Variants in TMC5 observed in about 807,000 individuals in gnomAD.
TMC5 encodes the protein transmembrane channel-like protein 5.
Under a neutral mutation model 110.5 loss-of-function variants are expected in TMC5, and 86 were observed. The ratio of observed to expected loss-of-function variants is 0.78; its 90% CI spans 0.65 to 0.93. TMC5 has a LOEUF of 0.93. TMC5 is among the 40% of genes least tolerant of loss of function. TMC5 has a pLI of 0.00. For missense variants in TMC5, 1,144 were observed against 1,222.8 expected, an observed-to-expected ratio of 0.94 and a Z score of 0.96; for synonymous variants, 455 against 439.5, an observed-to-expected ratio of 1.04 and a Z score of -0.44.
chr16:19,416,769 A>T (rs1419634287), upstream of TMC5, among the ~76,000 whole-genome samples: 1 of 152,184 alleles, frequency 6.6e-6, no homozygotes, highest in African/African-American at 2.4e-5. Flanking sequence ...TATGGTCCGC[A>T]TGTTGCCAAA....
chr16:19,456,867 ACT>A, intron 5 of TMC5: 1 of 1,614,142 alleles, frequency 6.2e-7, no homozygotes, highest in Non-Finnish European at 8.5e-7. Flanking sequence ...GATGTGATAG[ACT>A]CTCAGACAGT....
At chr16:19,433,718 A>C (rs942521625) in intron 2 of TMC5, among the ~76,000 whole-genome samples, 18 of 152,062 alleles carry the variant, frequency 1.2e-4, no homozygotes, top group African/African-American at 4.1e-4. Context: ...GGCTAATAAG[A>C]AGCTCAGGGC....
rs58940905 is a variant in TMC5, at chr16:19,483,779, A to AAAAAG, written c.2363+2335_2363+2339dup. Among the ~76,000 whole-genome samples the AAAAAG allele has an allele frequency of 1.1e-4, 16 of 149,256 alleles. 1 individual carries two copies. Among genetic ancestry groups the AAAAAG allele is most frequent in the East Asian group, 2.0e-4 (1 of 4,978 alleles). ...GGCAGCGAGAGTGAAACTCTGTCTC[A>AAAAAG]AAAAGAAAAGAAAAGAAAAGAAAAG... On this transcript the variant is annotated intron_variant, in intron 15 of 21. Transcript: ENST00000542583.
In TMC5 at chr16:19,469,548, C is replaced by G. The variant is rs1042348672; in HGVS notation, c.1638-133C>G. 8 of 1,127,288 alleles carry G rather than the reference C, an allele frequency of 7.1e-6. No individual in the cohort carries two copies. In the African/African-American group the frequency reaches 1.1e-4, roughly 15 times the overall value. The allele number at this position is 1,127,288 out of a possible 1,614,324, so 69.8% of individuals were successfully genotyped here. A position where few individuals can be genotyped will look rare whatever the true frequency, so the allele number is the denominator to read the frequency against. ...CCACTGTGTGGTGACCACACCGCTC[C>G]AGGCCAACAGCTTGGGGCTAAGTCT... On this transcript the variant is annotated intron_variant, in intron 9 of 21. Coordinates refer to ENST00000542583, the MANE Select transcript of TMC5 (RefSeq NM_001261841.2).
intron 12 of TMC5, among the ~76,000 whole-genome samples, 159 bp from the exon 13 acceptor site, chr16:19,477,281 C>T (rs886915282): frequency 6.6e-6 from 1 of 152,014 alleles, no homozygotes; most frequent in Non-Finnish European, 1.5e-5. Context: ...ACACACATTG[C>T]TTCTGTTCAC....
intron 5 of TMC5, among the ~76,000 whole-genome samples, chr16:19,454,057 G>A (rs1171645542): frequency 1.3e-5 from 2 of 151,940 alleles, no homozygotes; most frequent in Non-Finnish European, 2.9e-5. Flanking sequence ...CTTTTTTGTT[G>A]TTGTTTTTGA....
chr16:19,489,981 C>T (rs1465132637), intron 17 of TMC5, among the ~76,000 whole-genome samples: 2 of 151,692 alleles, frequency 1.3e-5, no homozygotes, highest in Non-Finnish European at 2.9e-5. Flanking sequence ...GATGGAGTCT[C>T]ACTATGTTGC....
chr16:19,464,010 T>C lies in TMC5; in HGVS notation c.1471T>C (p.Phe491Leu). 6.2e-7 allele frequency: 1 copy of C among 1,613,590 alleles called. No homozygotes were observed. The highest frequency in any genetic ancestry group is 8.5e-7 in the Non-Finnish European group (1 of 1,179,850). Residue 491 changes from phenylalanine (F) to leucine (L), a missense_variant, in exon 8 of 22, where the codon TTT becomes CTT. Physicochemically the swap from Phe to Leu is conservative, Grantham distance 22. Transcript: ENST00000542583. ...KNTLQFTGLE[F>L]FTGVGYFRDT... ...CACCCTCCAGTTCACTGGGCTGGAG[T>C]TTTTCACTGGGGTGGTAAGTCCTCC... is the stretch of plus-strand genomic sequence containing the variant.
intron 1 of TMC5, among the ~76,000 whole-genome samples, chr16:19,422,244 A>C (rs1967001198): frequency 6.8e-6 from 1 of 147,118 alleles, no homozygotes; most frequent in South Asian, 2.1e-4. Flanking sequence ...AAAAAAAAAG[A>C]GAGAGAGAGA....
intron 17 of TMC5, 76 bp downstream of exon 17, chr16:19,487,402 A>G (rs1274286738): frequency 2.4e-5 from 37 of 1,538,216 alleles, no homozygotes; most frequent in Non-Finnish European, 3.1e-5. Context: ...AGGTTTTATT[A>G]TAATTCAGGT....
chr16:19,434,939 G>A (rs1967307738), intron 2 of TMC5, among the ~76,000 whole-genome samples: 1 of 152,056 alleles, frequency 6.6e-6, no homozygotes, highest in Admixed American at 6.6e-5. Flanking sequence ...TGACACCAAG[G>A]GCTGGGTTCC....
intron 21 of TMC5, among the ~76,000 whole-genome samples, chr16:19,497,572 G>A (rs1227202277): frequency 1.3e-5 from 2 of 152,196 alleles, no homozygotes; most frequent in African/African-American, 2.4e-5. Flanking sequence ...CAAAAATGTG[G>A]CAGTTCCCTT....
upstream of TMC5, among the ~76,000 whole-genome samples, chr16:19,414,552 A>C (rs1386009033): frequency 6.6e-6 from 1 of 152,150 alleles, no homozygotes; most frequent in East Asian, 1.9e-4. Context: ...TACTGTGTGC[A>C]ATTCACAGGA....
intron 5 of TMC5, among the ~76,000 whole-genome samples, chr16:19,451,732 G>T (rs1557518): frequency 5.3e-5 from 8 of 151,854 alleles, no homozygotes; most frequent in Non-Finnish European, 1.5e-5. Context: ...GGACAAAGGC[G>T]CAGTCCCCAA....
chr16:19,424,312 T>G (rs1306723412), intron 1 of TMC5, among the ~76,000 whole-genome samples: 1 of 152,202 alleles, frequency 6.6e-6, no homozygotes, highest in African/African-American at 2.4e-5. Flanking sequence ...CCATATCATA[T>G]TATGGTAACC....
At position 19,439,945 on chromosome 16, in the gene TMC5, C is replaced by G; in HGVS notation, c.-79-15C>G. On this transcript the variant is annotated splice_polypyrimidine_tract_variant and intron_variant, in intron 2 of 21. Coordinates refer to ENST00000542583, the MANE Select transcript of TMC5 (RefSeq NM_001261841.2). ...GGAAAAAAATCTGACTTTTTCTTTTCTTCTTGTTTTTCAGGTGAAAAAAAA... is the reference window on the plus strand; with the variant it reads ...GGAAAAAAATCTGACTTTTTCTTTTGTTCTTGTTTTTCAGGTGAAAAAAAA... 1 of 1,110,398 alleles carries G rather than the reference C, an allele frequency of 9.0e-7. No individual in the cohort carries two copies. The highest frequency in any genetic ancestry group is 1.3e-6 in the Non-Finnish European group (1 of 769,704). The allele number at this position is 1,110,398 out of a possible 1,614,324, so 68.8% of individuals were successfully genotyped here. A position where few individuals can be genotyped will look rare whatever the true frequency, so the allele number is the denominator to read the frequency against.
In TMC5 at chr16:19,474,140, A is replaced by G. The variant is rs752815889; in HGVS notation, c.1954A>G (p.Ser652Gly). Residue 652 changes from serine (S) to glycine (G), a missense_variant, in exon 12 of 22, where the codon AGT (serine) becomes GGT (glycine). Transcript: ENST00000542583. ...TCCCCTGCAGTTCCTGAAGACACAC[A>G]GTAACCCTGGGGCGGTGCTGTTACT... ...EYNLEFLKTH[S>G]NPGAVLLLPF... is the part of the protein sequence containing the mutation. The G allele has an allele frequency of 6.2e-7, 1 of 1,613,868 alleles. No individual in the cohort carries two copies. The highest frequency in any genetic ancestry group is 8.5e-7 in the Non-Finnish European group (1 of 1,179,964).
chr16:19,468,665 G>A (rs1342336998), intron 9 of TMC5, among the ~76,000 whole-genome samples: 1 of 152,208 alleles, frequency 6.6e-6, no homozygotes, highest in Non-Finnish European at 1.5e-5. Context: ...GAGTAGCAGG[G>A]AGATGGGAAG....
upstream of TMC5, among the ~76,000 whole-genome samples, chr16:19,416,158 C>T (rs1404233436): frequency 6.6e-6 from 1 of 150,392 alleles, no homozygotes; most frequent in Non-Finnish European, 1.5e-5. Flanking sequence ...GCATTCCAGC[C>T]TTGGTTGACA....
Sources: allele counts gnomAD v4.1 joint callset (sites outside exome capture counted in the v4.1 genomes callset), GRCh38; gene constraint gnomAD v4.1.1; transcripts MANE v1.5; gene names NCBI Gene and HGNC (gene_info 2026-07-23, HGNC 2026-07-21).